The following SCAPER variants were observed in gnomAD, a reference collection of about 807,000 sequenced individuals.
SCAPER encodes the protein S-phase cyclin A associated protein in the ER.
SCAPER carries 98 observed loss-of-function variants against 182.2 expected under a neutral mutation model. That is an observed-to-expected ratio of 0.54 (90% CI 0.46 to 0.64). The LOEUF (loss-of-function observed/expected upper bound fraction) is 0.64, where lower values mean the gene tolerates loss of function less well. SCAPER is among the 30% of genes least tolerant of loss of function. SCAPER has a pLI of 0.00. For missense variants in SCAPER, 1,432 were observed against 1,690.0 expected (o/e 0.85, Z 2.68); for synonymous variants, 605 against 564.6 (o/e 1.07, Z -1.01).
chr15:76,880,740 A>C (rs1269446226), intron 2 of SCAPER, among the ~76,000 whole-genome samples: 1 of 152,064 alleles, frequency 6.6e-6, no homozygotes, highest in Non-Finnish European at 1.5e-5. Context: ...AAAACTCCCA[A>C]GATACTAAAA....
chr15:76,418,374 G>A (rs1293921283), intron 26 of SCAPER, among the ~76,000 whole-genome samples: 2 of 152,180 alleles, frequency 1.3e-5, no homozygotes, highest in Non-Finnish European at 2.9e-5. Context: ...ACAAATGCCA[G>A]CAAATCTTGC....
At position 76,800,298 on chromosome 15, in the gene SCAPER, T is replaced by A. The variant is rs1327263823; in HGVS notation, c.561A>T (p.Ser187=). ...TTGATGTTACATTTATTCTATCTGT[T>A]GATGGACTTGGAATCACATGGCGTC... The part of the protein sequence containing the change: ...SPGRHVIPSP[S]TDRINVTSNA... The change falls in exon 7 of 32, where the codon TCA becomes TCT. Residue 187 remains serine (S), a synonymous_variant. Coordinates refer to ENST00000563290, the MANE Select transcript of SCAPER (RefSeq NM_020843.4). The A allele has an allele frequency of 1.9e-6, 3 of 1,613,484 alleles. No homozygotes were observed. The highest frequency in any genetic ancestry group is 2.5e-6 in the Non-Finnish European group (3 of 1,179,744).
At chr15:76,436,149 C>T (rs957736060) in intron 25 of SCAPER, among the ~76,000 whole-genome samples, 6 of 152,156 alleles carry the variant, frequency 3.9e-5, no homozygotes, top group African/African-American at 1.4e-4. Flanking sequence ...CTCTCTGCAA[C>T]CTCTGCCTCT....
chr15:76,739,229 G>C (rs550656432), intron 15 of SCAPER, among the ~76,000 whole-genome samples: 2 of 152,216 alleles, frequency 1.3e-5, no homozygotes, highest in African/African-American at 4.8e-5. Context: ...CAGATACTGA[G>C]GGATGACTAC....
chr15:76,422,091 T>A (rs1241046036), intron 26 of SCAPER, among the ~76,000 whole-genome samples: 2 of 152,174 alleles, frequency 1.3e-5, no homozygotes, highest in East Asian at 1.9e-4. Flanking sequence ...CTTAGGATTG[T>A]CTTGGCAATG....
intron 25 of SCAPER, among the ~76,000 whole-genome samples, chr15:76,444,406 A>AT (rs2047848786): frequency 1.3e-5 from 2 of 152,294 alleles, no homozygotes; most frequent in South Asian, 2.1e-4. Context: ...TAAAGTTCAC[A>AT]TTTTTTATGT....
chr15:76,728,577 A>G lies in SCAPER; in HGVS notation c.2165+18T>C. 1.2e-6 allele frequency: 2 copies of G among 1,612,954 alleles called. No individual in the cohort carries two copies. Among genetic ancestry groups the G allele is most frequent in the Non-Finnish European group, 1.7e-6 (2 of 1,179,340 alleles). On this transcript the variant is annotated intron_variant, in intron 17 of 31. Coordinates refer to ENST00000563290, the MANE Select transcript of SCAPER (RefSeq NM_020843.4). ...TTCACTCAGTGCAAAATGTTCATCA[A>G]GATAGCAAATGAGATACCTAGCTCT...
At chr15:76,844,172 CA>C (rs1321164529) in intron 4 of SCAPER, among the ~76,000 whole-genome samples, 8 of 145,052 alleles carry the variant, frequency 5.5e-5, no homozygotes, top group African/African-American at 2.1e-4. Context: ...CAATAGATGA[CA>C]AAACAATCTA....
chr15:76,833,286 A>C (rs2068662793), intron 5 of SCAPER, among the ~76,000 whole-genome samples: 1 of 152,222 alleles, frequency 6.6e-6, no homozygotes, highest in African/African-American at 2.4e-5. Context: ...TAAGCTTCAT[A>C]AGCAAAGGAG....
intron 5 of SCAPER, among the ~76,000 whole-genome samples, chr15:76,837,758 G>A (rs893269016): frequency 3.3e-5 from 5 of 152,014 alleles, no homozygotes; most frequent in South Asian, 2.1e-4. Flanking sequence ...CAAAGTACAC[G>A]AACAGACATT....
intron 2 of SCAPER, among the ~76,000 whole-genome samples, chr15:76,866,058 A>C (rs1880581478): frequency 6.6e-6 from 1 of 152,188 alleles, no homozygotes; most frequent in Non-Finnish European, 1.5e-5. Context: ...TCTCCCATTA[A>C]GTATTGGTCA....
chr15:76,366,082 CACTT>C (rs1418955681), intron 29 of SCAPER, among the ~76,000 whole-genome samples: 1 of 109,328 alleles, frequency 9.1e-6, no homozygotes, highest in Non-Finnish European at 1.8e-5. Flanking sequence ...ATTACTTACA[CACTT>C]ACACACACAC....
chr15:76,379,042 A>G (rs2042758303), intron 28 of SCAPER, among the ~76,000 whole-genome samples: 1 of 152,226 alleles, frequency 6.6e-6, no homozygotes, highest in Non-Finnish European at 1.5e-5. Flanking sequence ...GTGATCAGAA[A>G]TAATTGTTTC....
chr15:76,887,070 T>C (rs992349229), intron 1 of SCAPER, among the ~76,000 whole-genome samples: 1 of 152,128 alleles, frequency 6.6e-6, no homozygotes, highest in Non-Finnish European at 1.5e-5. Flanking sequence ...AATACTTAGG[T>C]AATGAAATAA....
At chr15:76,701,497 A>G (rs902465727) in intron 20 of SCAPER, among the ~76,000 whole-genome samples, 2 of 152,192 alleles carry the variant, frequency 1.3e-5, no homozygotes, top group Non-Finnish European at 2.9e-5. Flanking sequence ...TGCATTATTA[A>G]AATATCAATA....
intron 29 of SCAPER, among the ~76,000 whole-genome samples, chr15:76,370,269 TA>T (rs139450350): frequency 0.1 from 14,674 of 147,398 alleles, 900 homozygotes; most frequent in African/African-American, 0.17. Flanking sequence ...AAAATATGTA[TA>T]ACATATAATT....
rs989565018 is a variant in SCAPER at position 76,771,815 on chromosome 15, T to A, written c.1175A>T (p.Gln392Leu). The A allele has an allele frequency of 6.2e-7, 1 of 1,613,248 alleles. No individual in the cohort carries two copies. The change falls in exon 10 of 32, where the codon CAA becomes CTA. Residue 392 changes from glutamine (Q) to leucine (L), a missense_variant. By Grantham distance (113) the Gln-to-Leu change is moderately radical. Around this residue, in one of 5 missense-constraint regions of SCAPER, gnomAD observed 480 missense variants for 510.2 expected, o/e 0.94. Coordinates refer to ENST00000563290, the MANE Select transcript of SCAPER (RefSeq NM_020843.4). ...VMLQAGTPPLQVNEEKFPAEK... is the reference protein window; with the variant it reads ...VMLQAGTPPLLVNEEKFPAEK... ...TGCTGGAAATTTTTCTTCATTTACT[T>A]GTAAAGGAGGTGTACCAGCTTGCAG... is the stretch of plus-strand genomic sequence containing the variant.
At chr15:76,679,396 ATCTGAAAT>A (rs948294173) in intron 20 of SCAPER, among the ~76,000 whole-genome samples, 11 of 152,208 alleles carry the variant, frequency 7.2e-5, no homozygotes, top group African/African-American at 2.7e-4. Flanking sequence ...AAATCTGAAA[ATCTGAAAT>A]GCAATGCATT....
chr15:76,441,168 G>C (rs529428712), intron 25 of SCAPER, among the ~76,000 whole-genome samples: 9 of 151,724 alleles, frequency 5.9e-5, no homozygotes, highest in Non-Finnish European at 1.2e-4. Flanking sequence ...TGATCCACCC[G>C]CCTTGGCCTC....
Sources: allele counts gnomAD v4.1 joint callset (sites outside exome capture counted in the v4.1 genomes callset), GRCh38; gene constraint gnomAD v4.1.1; regional missense constraint gnomAD v4.1.1; transcripts MANE v1.5; gene names NCBI Gene and HGNC (gene_info 2026-07-23, HGNC 2026-07-21).